The following DDX21 variants were observed in gnomAD, a reference collection of about 807,000 sequenced individuals.
DDX21 encodes the protein nucleolar RNA helicase 2.
A neutral mutation model predicts 90.0 loss-of-function variants in DDX21; 18 were observed. The ratio of observed to expected loss-of-function variants is 0.20; its 90% CI spans 0.14 to 0.30. The LOEUF (loss-of-function observed/expected upper bound fraction) is 0.30. DDX21 is among the 10% of genes least tolerant of loss of function. The probability of loss-of-function intolerance (pLI) is 1.00; values close to 1 mark genes in which losing one functional copy is unlikely to be tolerated. For synonymous variants in DDX21, 294 were observed against 318.0 expected (o/e 0.92, Z 0.80); for missense variants, 673 against 944.5 (o/e 0.71, Z 3.77).
intron 7 of DDX21, 82 bp downstream of exon 7, chr10:68,969,203 C>T: frequency 7.6e-7 from 1 of 1,318,726 alleles, no homozygotes; most frequent in East Asian, 2.5e-5. Flanking sequence ...GGCAAATGCT[C>T]TTTTTCCAGA....
intron 12 of DDX21, among the ~76,000 whole-genome samples, chr10:68,978,628 T>C (rs1012846627): frequency 6.6e-6 from 1 of 152,206 alleles, no homozygotes; most frequent in African/African-American, 2.4e-5. Flanking sequence ...AAAACTATAA[T>C]ACCACAACCA....
At chr10:68,982,505 T>C (rs1843205588) in intron 14 of DDX21, 38 bp from the exon 15 acceptor site, 1 of 1,561,640 alleles carries the variant, frequency 6.4e-7, no homozygotes. Flanking sequence ...AATTGAATAC[T>C]AATTAAAGCA....
intron 2 of DDX21, among the ~76,000 whole-genome samples, chr10:68,961,808 ATAATCT>A (rs1174503334): frequency 6.6e-6 from 1 of 152,248 alleles, no homozygotes; most frequent in African/African-American, 2.4e-5. Context: ...CTAGTCACAC[ATAATCT>A]TAGTTGAGAT....
At chr10:68,972,844 T>C (rs567295015) in intron 9 of DDX21, among the ~76,000 whole-genome samples, 3 of 152,262 alleles carry the variant, frequency 2.0e-5, no homozygotes, top group South Asian at 2.1e-4. Flanking sequence ...ATACAAAATA[T>C]TGCATTGGTA....
intron 6 of DDX21, 111 bp from the exon 7 acceptor site, chr10:68,968,865 A>G: frequency 7.9e-7 from 1 of 1,272,896 alleles, no homozygotes; most frequent in Non-Finnish European, 1.1e-6. Flanking sequence ...ACTTGGCCTC[A>G]GGTGGTTGCT....
At chr10:68,956,681 C>A in intron 1 of DDX21, 2 of 1,073,952 alleles carry the variant, frequency 1.9e-6, no homozygotes, top group Non-Finnish European at 2.3e-6. Flanking sequence ...CAGTCAGGCT[C>A]CACGTTGTTG....
intron 3 of DDX21, 61 bp downstream of exon 3, chr10:68,962,218 C>G (rs994343541): frequency 1.1e-5 from 14 of 1,302,990 alleles, no homozygotes; most frequent in Non-Finnish European, 1.5e-5. Context: ...AAGCACTCCA[C>G]TATTTTTGTT....
chr10:68,968,521 G>A (rs889693101), intron 6 of DDX21, among the ~76,000 whole-genome samples: 1 of 152,124 alleles, frequency 6.6e-6, no homozygotes, highest in Non-Finnish European at 1.5e-5. Context: ...AAAAATTCAT[G>A]CTCCTCAATA....
intron 11 of DDX21, 94 bp downstream of exon 11, chr10:68,974,837 T>C: frequency 1.0e-6 from 1 of 970,458 alleles, no homozygotes; most frequent in East Asian, 2.7e-5. Flanking sequence ...AAAAAATTTT[T>C]TTTTTAAAAT....
Position 68,968,966 on chromosome 10 carries a change from CT to C in DDX21, c.1091-9del, listed in dbSNP as rs1842982233. ...ATTCATACTGACTTTTTTTTTCCCC[CT>C]CCTCAAAGATTCTGAAGACAATCCC... On this transcript the variant is annotated splice_polypyrimidine_tract_variant and intron_variant, in intron 6 of 14. Transcript: ENST00000354185. The C allele has an allele frequency of 6.2e-7, 1 of 1,603,150 alleles. No individual in the cohort carries two copies. Among genetic ancestry groups the C allele is most frequent in the Non-Finnish European group, 8.5e-7 (1 of 1,176,686 alleles).
At position 68,959,891 on chromosome 10, in the gene DDX21, T is replaced by C. The variant is rs753458616; in HGVS notation, c.173T>C (p.Val58Ala). 6 of 1,602,986 alleles carry C rather than the reference T, an allele frequency of 3.7e-6. No homozygotes were observed. In the African/African-American group the frequency reaches 8.1e-5, roughly 22 times the overall value. Residue 58 changes from valine to alanine, a missense_variant, in exon 2 of 15, where the codon GTT (valine) becomes GCT (alanine). This residue lies in a region of DDX21 where 204 missense variants were observed against 221.6 expected (regional missense o/e 0.92). Coordinates refer to ENST00000354185, the MANE Select transcript of DDX21 (RefSeq NM_004728.4). ...EETVFPKAKQ[V>A]KKKAEPSEVD... ...ACTGTTTTCCCCAAAGCTAAACAAG[T>C]TAAAAAGAAAGCAGAGCCTTCTGAA...
At chr10:68,962,505 A>T (rs895750632) in intron 3 of DDX21, among the ~76,000 whole-genome samples, 1 of 152,102 alleles carries the variant, frequency 6.6e-6, no homozygotes. Context: ...AGTCCTAACT[A>T]CTCCAGAGGC....
At chr10:68,967,528 AT>A (rs1301272848) in intron 6 of DDX21, among the ~76,000 whole-genome samples, 1 of 151,832 alleles carries the variant, frequency 6.6e-6, no homozygotes, top group Non-Finnish European at 1.5e-5. Context: ...AATGGGGCTC[AT>A]TTTATCTAGA....
chr10:68,965,991 G>A (rs921655285), intron 5 of DDX21, among the ~76,000 whole-genome samples: 1 of 151,774 alleles, frequency 6.6e-6, no homozygotes, highest in Non-Finnish European at 1.5e-5. Context: ...AGGGATTTAA[G>A]GAATTTAAAA....
At chr10:68,967,689 G>C (rs1842958309) in intron 6 of DDX21, among the ~76,000 whole-genome samples, 2 of 152,082 alleles carry the variant, frequency 1.3e-5, no homozygotes, top group African/African-American at 4.8e-5. Flanking sequence ...GTCTGCTTTT[G>C]GTGTATTCCT....
At chr10:68,963,517 C>A in intron 4 of DDX21, 48 bp downstream of exon 4, 1 of 1,542,936 alleles carries the variant, frequency 6.5e-7, no homozygotes, top group Non-Finnish European at 8.7e-7. Flanking sequence ...GGAAAAACCA[C>A]CACTTGGGCA....
Position 68,983,240 on chromosome 10 carries a change from C to T in DDX21, c.*428C>T, listed in dbSNP as rs536204046. On this transcript the variant is annotated 3_prime_UTR_variant, in exon 15 of 15. Transcript: ENST00000354185. ...TTTGAGCCTTTGGAAGTTAAGGTTTCCTCAGCCACCTGCCGAACAGTTTCT... is the reference window on the plus strand; with the variant it reads ...TTTGAGCCTTTGGAAGTTAAGGTTTTCTCAGCCACCTGCCGAACAGTTTCT... 1.6e-3 allele frequency: 279 copies of T among 178,456 alleles called. 1 individual carries two copies. The highest frequency in any genetic ancestry group is 6.4e-3 in the African/African-American group (269 of 42,338). The allele number at this position is 178,456 out of a possible 1,614,324, so 11.1% of individuals were successfully genotyped here.
chr10:68,961,092 C>A (rs774123342), intron 2 of DDX21, among the ~76,000 whole-genome samples: 1 of 152,094 alleles, frequency 6.6e-6, no homozygotes, highest in Non-Finnish European at 1.5e-5. Flanking sequence ...GAAAGAAATA[C>A]GAATTGTATT....
rs368672458 is a variant in DDX21, at chr10:68,973,682, T to C, written c.1668+18T>C. The C allele has an allele frequency of 1.6e-5, 26 of 1,605,994 alleles. No homozygotes were observed. The highest frequency in any genetic ancestry group is 2.1e-5 in the Non-Finnish European group (25 of 1,175,828). ...AAAAAGCGGTAAAACTATTCTTACC[T>C]TTCATTAAGCAAATGTTGAGTTCTA... On this transcript the variant is annotated intron_variant, in intron 10 of 14. Transcript: ENST00000354185.
Sources: allele counts gnomAD v4.1 joint callset (sites outside exome capture counted in the v4.1 genomes callset), GRCh38; gene constraint gnomAD v4.1.1; regional missense constraint gnomAD v4.1.1; transcripts MANE v1.5; gene names NCBI Gene and HGNC (gene_info 2026-07-23, HGNC 2026-07-21).